CD1E: variants seen among roughly 807,000 people sequenced by gnomAD.
CD1E encodes the protein T-cell surface glycoprotein CD1e, membrane-associated.
Under a neutral mutation model 40.1 loss-of-function variants are expected in CD1E, and 49 were observed. The ratio of observed to expected loss-of-function variants is 1.22; its 90% CI spans 0.97 to 1.55. The LOEUF (loss-of-function observed/expected upper bound fraction) is 1.55, where lower values mean the gene tolerates loss of function less well. Ranked by LOEUF, CD1E falls within the 40% of genes most tolerant of loss-of-function variation. The pLI, the probability that CD1E is intolerant of heterozygous loss-of-function variation, is 0.00. For synonymous variants in CD1E, 189 were observed against 178.3 expected (o/e 1.06, Z -0.48); for missense variants, 492 against 471.3 (o/e 1.04, Z -0.41).
In CD1E at chr1:158,356,397, G is replaced by A. The variant is rs1393347454; in HGVS notation, c.905-101G>A. ...TGAAATGAGGGCTTTGGAAAACCCA[G>A]ATGAAAATTCTAGGAAGGTCCCACC... On this transcript the variant is annotated intron_variant, in intron 4 of 5. Transcript: ENST00000368167. 6 of 991,216 alleles carry A rather than the reference G, an allele frequency of 6.1e-6. No individual in the cohort carries two copies. The African/African-American group carries it at 8.2e-5, about 14-fold the overall frequency. 61.4% of individuals were successfully genotyped at this position (991,216 alleles called of 1,614,324 possible). A position where few individuals can be genotyped will look rare whatever the true frequency, so the allele number is the denominator to read the frequency against.
chr1:158,356,719 T>C lies in CD1E; in HGVS notation c.999-9T>C, dbSNP rs768715401. The C allele has an allele frequency of 5.6e-6, 9 of 1,613,154 alleles. No homozygotes were observed. The African/African-American group carries it at 1.1e-4, about 19-fold the overall frequency. On this transcript the variant is annotated splice_polypyrimidine_tract_variant and intron_variant, in intron 5 of 5. Coordinates refer to ENST00000368167, the MANE Select transcript of CD1E (RefSeq NM_030893.4). ...TCTTTGAGATTAATATCCTCCTCTT[T>C]TCCCACAGTTCAAATAAGAACATTC... is the stretch of plus-strand genomic sequence containing the variant.
In CD1E at chr1:158,355,322, A is replaced by C; in HGVS notation, c.378A>C (p.Leu126Phe). ...QLEYPFEIQI[L>F]AGCRMNAPQI... ...CAGACCCCTTCGAGATCCAGATATTAGCTGGCTGTAGAATGAATGCCCCAC... is the reference window on the plus strand; with the variant it reads ...CAGACCCCTTCGAGATCCAGATATTCGCTGGCTGTAGAATGAATGCCCCAC... The change falls in exon 3 of 6, where the codon TTA becomes TTC. Residue 126 changes from leucine to phenylalanine, a missense_variant. Transcript: ENST00000368167. The C allele has an allele frequency of 6.2e-7, 1 of 1,613,952 alleles. No individual in the cohort carries two copies. The highest frequency in any genetic ancestry group is 8.5e-7 in the Non-Finnish European group (1 of 1,179,878).
chr1:158,356,623 C>T, intron 5 of CD1E, 32 bp downstream of exon 5: 2 of 1,595,308 alleles, frequency 1.3e-6, no homozygotes, highest in Non-Finnish European at 1.7e-6. Context: ...GTTTCTTCAG[C>T]CTGTAATCAA....
chr1:158,354,845 T>C (rs1387883647), intron 2 of CD1E, among the ~76,000 whole-genome samples, 172 bp downstream of exon 2: 1 of 152,058 alleles, frequency 6.6e-6, no homozygotes, highest in African/African-American at 2.4e-5. Context: ...CACTCCACCA[T>C]ATACACAAAA....
chr1:158,356,955 TC>T lies in CD1E; in HGVS notation c.*62del. The T allele has an allele frequency of 7.3e-7, 1 of 1,371,764 alleles. No individual in the cohort carries two copies. The allele number at this position is 1,371,764 out of a possible 1,614,324, so 85.0% of individuals were successfully genotyped here. ...TGCATCTTCTTAAACACCGTCCATGTCCCATAAGGGAAGCATGCTTTTATTT... is the reference window on the plus strand; with the variant it reads ...TGCATCTTCTTAAACACCGTCCATGTCCATAAGGGAAGCATGCTTTTATTT... On this transcript the variant is annotated 3_prime_UTR_variant, in exon 6 of 6. Coordinates refer to ENST00000368167, the MANE Select transcript of CD1E (RefSeq NM_030893.4).
rs3180089 is a variant in CD1E at position 158,354,032 on chromosome 1, G to A, written c.44G>A (p.Gly15Glu). ...CTCTTCGAGGGTCTCTGCTGTCCTG[G>A]GGAAAATACAGCAGGTAAGAAGAGT... ...FLLFEGLCCP[G>E]ENTAAPQALQ... The change falls in exon 1 of 6, where the codon GGG becomes GAG. Residue 15 changes from glycine to glutamate, a missense_variant. By Grantham distance (98) the Gly-to-Glu change is moderately conservative. Transcript: ENST00000368167. 1 of 1,613,864 alleles carries A rather than the reference G, an allele frequency of 6.2e-7. No individual in the cohort carries two copies. The highest frequency in any genetic ancestry group is 8.5e-7 in the Non-Finnish European group (1 of 1,179,750).
At position 158,356,499 on chromosome 1, in the gene CD1E, T is replaced by C; in HGVS notation, c.906T>C (p.Gly302=). The C allele has an allele frequency of 3.7e-6, 6 of 1,605,988 alleles. No homozygotes were observed. The highest frequency in any genetic ancestry group is 5.1e-6 in the Non-Finnish European group (6 of 1,173,118). The part of the protein sequence containing the change: ...LGGHDLIIHW[G]GYSIFLILIC... The stretch of plus-strand genomic sequence containing the variant: ...TATTCTTATTCTATCCCCAACCAGG[T>C]GGATATTCCATCTTTCTCATCCTGA... Residue 302 remains glycine (G), a splice_region_variant and synonymous_variant, in exon 5 of 6, where the codon GGT becomes GGC. Coordinates refer to ENST00000368167, the MANE Select transcript of CD1E (RefSeq NM_030893.4).
At chr1:158,355,231 G>C (rs1020757273) in intron 2 of CD1E, 69 bp from the exon 3 acceptor site, 45 of 1,489,940 alleles carry the variant, frequency 3.0e-5, no homozygotes, top group Non-Finnish European at 3.9e-5. Flanking sequence ...TCTCTTTACT[G>C]TCTAAATTGT....
chr1:158,355,229 C>A, intron 2 of CD1E, 71 bp from the exon 3 acceptor site: 1 of 1,456,934 alleles, frequency 6.9e-7, no homozygotes, highest in East Asian at 2.3e-5. Context: ...AATCTCTTTA[C>A]TGTCTAAATT....
rs201152862 is a variant in CD1E, at chr1:158,355,899, C to G, written c.698C>G (p.Ser233Ter). Residue 233 changes from serine (S) to a stop codon, truncating the protein, a stop_gained, in exon 4 of 6, where the codon TCA (serine) becomes TGA (stop). Coordinates refer to ENST00000368167, the MANE Select transcript of CD1E (RefSeq NM_030893.4). LOFTEE classifies it high-confidence loss of function. ...CGTCTGCAGCTTGTGTGCCATGTCTCAGGATTCTACCCAAAGCCCGTGTGG... is the reference window on the plus strand; with the variant it reads ...CGTCTGCAGCTTGTGTGCCATGTCTGAGGATTCTACCCAAAGCCCGTGTGG... Reference protein sequence around the residue: ...PGRLQLVCHVSGFYPKPVWVM... With the variant: ...PGRLQLVCHV 1 of 1,614,136 alleles carries G rather than the reference C, an allele frequency of 6.2e-7. No homozygotes were observed. Among genetic ancestry groups the G allele is most frequent in the Non-Finnish European group, 8.5e-7 (1 of 1,180,036 alleles).
chr1:158,354,720 A>G (rs1434204034), intron 2 of CD1E, 47 bp downstream of exon 2: 3 of 1,530,368 alleles, frequency 2.0e-6, no homozygotes, highest in Admixed American at 3.5e-5. Flanking sequence ...AACACCAACT[A>G]TTTTCCAAAG....
At chr1:158,356,398 A>G (rs1653690003) in intron 4 of CD1E, 100 bp from the exon 5 acceptor site, 3 of 994,676 alleles carry the variant, frequency 3.0e-6, no homozygotes. Flanking sequence ...GAAAACCCAG[A>G]TGAAAATTCT....
At chr1:158,354,794 A>C in intron 2 of CD1E, 121 bp downstream of exon 2, 1 of 807,352 alleles carries the variant, frequency 1.2e-6, no homozygotes. Flanking sequence ...CCACTCTCTG[A>C]CTCCCACTCC....
At chr1:158,355,667 C>T in intron 3 of CD1E, 98 bp downstream of exon 3, 2 of 1,445,320 alleles carry the variant, frequency 1.4e-6, no homozygotes, top group South Asian at 1.4e-5. Flanking sequence ...TAGTGAGAGA[C>T]TAGAGAATGA....
rs929858202 is a variant in CD1E, at chr1:158,354,009, C to T, written c.21C>T (p.Leu7=). MLLLFL[L]FEGLCCPGEN... The stretch of plus-strand genomic sequence containing the variant: ...CTTCAATGCTGCTCCTGTTCCTCCT[C>T]TTCGAGGGTCTCTGCTGTCCTGGGG... The change falls in exon 1 of 6, where the codon CTC becomes CTT. Residue 7 remains leucine (L), a synonymous_variant. Transcript: ENST00000368167. 5 of 1,613,970 alleles carry T rather than the reference C, an allele frequency of 3.1e-6. No homozygotes were observed. In the Admixed American group the frequency reaches 6.7e-5, roughly 22 times the overall value.
At position 158,354,609 on chromosome 1, in the gene CD1E, C is replaced by G. The variant is rs768610644; in HGVS notation, c.291C>G (p.Phe97Leu). The change falls in exon 2 of 6, where the codon TTC becomes TTG. Residue 97 changes from phenylalanine to leucine, a missense_variant. Physicochemically the swap from Phe to Leu is conservative, Grantham distance 22. Transcript: ENST00000368167. ...AGCTGAAAAACTTACAGTCACTGTT[C>G]CAGTTATACTTCCATAGTTTTATCC... ...KQELKNLQSL[F>L]QLYFHSFIQI... 2 of 1,613,996 alleles carry G rather than the reference C, an allele frequency of 1.2e-6. No individual in the cohort carries two copies. Among genetic ancestry groups the G allele is most frequent in the African/African-American group, 1.3e-5 (1 of 74,902 alleles).
intron 1 of CD1E, 110 bp downstream of exon 1, chr1:158,354,156 G>T: frequency 9.9e-7 from 1 of 1,013,692 alleles, no homozygotes. Flanking sequence ...GGATGCCCTT[G>T]GAATATGCCT....
rs918015163 is a variant in CD1E, at chr1:158,357,490, G to A, written c.*594G>A. 2.0e-5 allele frequency: 3 copies of A among 152,042 alleles called. No individual in the cohort carries two copies. Among genetic ancestry groups the A allele is most frequent in the African/African-American group, 7.3e-5 (3 of 41,294 alleles). The allele number at this position is 152,042 out of a possible 1,614,324, so 9.4% of individuals were successfully genotyped here. On this transcript the variant is annotated 3_prime_UTR_variant, in exon 6 of 6. Transcript: ENST00000368167. ...CACTGACCCCACAAATTATATAGCT[G>A]ATTCAGTGTGAATGTAATATTTCTC...
chr1:158,355,800 AT>A (rs751781677), intron 3 of CD1E, 26 bp from the exon 4 acceptor site: 18 of 1,589,046 alleles, frequency 1.1e-5, no homozygotes, highest in South Asian at 2.2e-5. Context: ...TCAAAATTCC[AT>A]TTTTTTTCTA....
Sources: allele counts gnomAD v4.1 joint callset (sites outside exome capture counted in the v4.1 genomes callset), GRCh38; gene constraint gnomAD v4.1.1; transcripts MANE v1.5; gene names NCBI Gene and HGNC (gene_info 2026-07-23, HGNC 2026-07-21).